The following RPL4 variants were observed in gnomAD, a reference collection of about 807,000 sequenced individuals.
RPL4 encodes the protein large ribosomal subunit protein uL4.
In RPL4, 3 loss-of-function variants were observed where a neutral mutation model predicts 47.7. That is an observed-to-expected ratio of 0.06 (90% CI 0.03 to 0.16). The LOEUF (loss-of-function observed/expected upper bound fraction) is 0.16, where lower values mean the gene tolerates loss of function less well. Among genes scored for constraint, RPL4 ranks in the 10% least tolerant of loss-of-function variants. The pLI is 1.00. For synonymous variants in RPL4, 208 were observed against 182.1 expected (o/e 1.14, Z -1.15); for missense variants, 413 against 551.3 (o/e 0.75, Z 2.51).
At position 66,499,119 on chromosome 15, in the gene RPL4, C is replaced by T. The variant is rs1893541010; in HGVS notation, c.*288G>A. 1 of 308,182 alleles carries T rather than the reference C, an allele frequency of 3.2e-6. No homozygotes were observed. Among genetic ancestry groups the T allele is most frequent in the Non-Finnish European group, 6.0e-6 (1 of 166,166 alleles). The allele number at this position is 308,182 out of a possible 1,614,324, so 19.1% of individuals were successfully genotyped here. A position where few individuals can be genotyped will look rare whatever the true frequency, so the allele number is the denominator to read the frequency against. On this transcript the variant is annotated 3_prime_UTR_variant, in exon 10 of 10. Coordinates refer to ENST00000307961, the MANE Select transcript of RPL4 (RefSeq NM_000968.4). Reference sequence around the variant, plus strand: ...CTGCGTTTCTGACCAAGTCCTGTTACACCTATTTTTCAAGCCACATTATTT... The same window carrying T: ...CTGCGTTTCTGACCAAGTCCTGTTATACCTATTTTTCAAGCCACATTATTT...
At chr15:66,499,915 T>C in intron 9 of RPL4, 141 bp downstream of exon 9, 2 of 1,120,120 alleles carry the variant, frequency 1.8e-6, no homozygotes, top group Middle Eastern at 3.0e-4. Context: ...GCCAGCTACT[T>C]GGGAGGCTGA....
chr15:66,502,928 T>C, intron 3 of RPL4, 130 bp downstream of exon 3: 1 of 1,279,880 alleles, frequency 7.8e-7, no homozygotes, highest in South Asian at 1.2e-5. Flanking sequence ...TAACCCCATA[T>C]AAATGAAGCC....
Position 66,501,401 on chromosome 15 carries a change from A to G in RPL4, c.650T>C (p.Ile217Thr). 1.9e-6 allele frequency: 3 copies of G among 1,614,192 alleles called. No homozygotes were observed. Among genetic ancestry groups the G allele is most frequent in the Non-Finnish European group, 2.5e-6 (3 of 1,180,042 alleles). The change falls in exon 6 of 10, where the codon ATC becomes ACC. Residue 217 changes from isoleucine to threonine, a missense_variant. Ile to Thr is a moderately conservative substitution (Grantham distance 89). Around this residue, in one of 4 missense-constraint regions of RPL4, gnomAD observed 214 missense variants for 304.2 expected, o/e 0.70. Coordinates refer to ENST00000307961, the MANE Select transcript of RPL4 (RefSeq NM_000968.4). ...AGGGATGTTTCTGAAGGCCTTGATG[A>G]TACCATTATCCTCATTATAGATGAT... Reference protein sequence around the residue: ...PCIIYNEDNGIIKAFRNIPGI... With the variant: ...PCIIYNEDNGTIKAFRNIPGI...
chr15:66,503,662 AAAATAGCAGTAAATG>A, intron 1 of RPL4, 133 bp from the exon 2 acceptor site: 1 of 807,866 alleles, frequency 1.2e-6, no homozygotes, highest in South Asian at 2.1e-5. Context: ...CCCTTAAACC[AAAATAGCAGTAAATG>A]ACTAGAACCC....
chr15:66,501,525 G>A, intron 5 of RPL4, 21 bp from the exon 6 acceptor site: 1 of 1,613,532 alleles, frequency 6.2e-7, no homozygotes, highest in East Asian at 2.2e-5. Flanking sequence ...AGCAGTTTTA[G>A]TATTCTGATT....
Position 66,501,046 on chromosome 15 carries a change from C to G in RPL4, c.736G>C (p.Val246Leu). 3 of 1,614,058 alleles carry G rather than the reference C, an allele frequency of 1.9e-6. No homozygotes were observed. The highest frequency in any genetic ancestry group is 2.5e-6 in the Non-Finnish European group (3 of 1,179,980). Reference protein sequence around the residue: ...NILKLAPGGHVGRFCIWTESA... With the variant: ...NILKLAPGGHLGRFCIWTESA... ...TCAGTCCAAATGCAGAAACGTCCCA[C>G]ATGCCCACCAGGAGCAAGCTTCAAA... Residue 246 changes from valine (V) to leucine (L), a missense_variant, in exon 7 of 10, where the codon GTG becomes CTG. Physicochemically the swap from Val to Leu is conservative, Grantham distance 32. This residue lies in a region of RPL4 where 214 missense variants were observed against 304.2 expected (regional missense o/e 0.70). Coordinates refer to ENST00000307961, the MANE Select transcript of RPL4 (RefSeq NM_000968.4).
chr15:66,501,960 G>GAA (rs375557925), intron 4 of RPL4, 48 bp from the exon 5 acceptor site: 469 of 1,196,694 alleles, frequency 3.9e-4, no homozygotes, highest in African/African-American at 3.9e-3. Flanking sequence ...AACTTTTGGA[G>GAA]AAAAAAAAAA....
At chr15:66,500,516 G>T (rs556755169) in intron 7 of RPL4, 140 bp from the exon 8 acceptor site, 105 of 754,068 alleles carry the variant, frequency 1.4e-4, no homozygotes, top group Non-Finnish European at 6.7e-5. Flanking sequence ...GGACCAGGCC[G>T]GGTGTGGTGG....
rs572149795 is a variant in RPL4, at chr15:66,499,097, C to T, written c.*310G>A. On this transcript the variant is annotated 3_prime_UTR_variant, in exon 10 of 10. Transcript: ENST00000307961. ...GGGAGCTAAACTTGAACAGCCTCTG[C>T]GTTTCTGACCAAGTCCTGTTACACC... The T allele has an allele frequency of 7.8e-5, 20 of 256,964 alleles. No homozygotes were observed. Among genetic ancestry groups the T allele is most frequent in the African/African-American group, 3.2e-4 (14 of 44,066 alleles). The allele number at this position is 256,964 out of a possible 1,614,324, so 15.9% of individuals were successfully genotyped here. A position where few individuals can be genotyped will look rare whatever the true frequency, so the allele number is the denominator to read the frequency against.
At chr15:66,500,594 GACCA>G in intron 7 of RPL4, 1 of 568,366 alleles carries the variant, frequency 1.8e-6, no homozygotes. Context: ...AGGAGTTCCA[GACCA>G]GCCTGGCCAA....
In RPL4 at chr15:66,500,444, GCTTT is replaced by G. The variant is rs1310429456; in HGVS notation, c.834-72_834-69del. 8.0e-6 allele frequency: 11 copies of G among 1,379,344 alleles called. 1 individual carries two copies. Among genetic ancestry groups the G allele is most frequent in the Non-Finnish European group, 1.0e-5 (10 of 972,180 alleles). 85.4% of individuals were successfully genotyped at this position (1,379,344 alleles called of 1,614,324 possible). ...CCAAAGAACAGGAAGCTCAACTGAA[GCTTT>G]ATTTTTAGCCACTATGCTCTCCAAA... On this transcript the variant is annotated intron_variant, in intron 7 of 9. Coordinates refer to ENST00000307961, the MANE Select transcript of RPL4 (RefSeq NM_000968.4).
Position 66,500,037 on chromosome 15 carries a change from A to T in RPL4, c.1038+19T>A. 2 of 1,611,318 alleles carry T rather than the reference A, an allele frequency of 1.2e-6. No homozygotes were observed. Among genetic ancestry groups the T allele is most frequent in the Non-Finnish European group, 1.7e-6 (2 of 1,179,636 alleles). ...GATTCCGACTCAAAAACAAACAAAC[A>T]AACAAAAACTCCACTCACATTCCTG... On this transcript the variant is annotated intron_variant, in intron 9 of 9. Transcript: ENST00000307961.
chr15:66,500,585 G>A (rs573224428), intron 7 of RPL4: 2 of 579,216 alleles, frequency 3.5e-6, no homozygotes. Flanking sequence ...CCTAAGGTCA[G>A]GAGTTCCAGA....
chr15:66,500,212 T>A (rs753217505), intron 8 of RPL4, 36 bp from the exon 9 acceptor site: 1 of 1,613,776 alleles, frequency 6.2e-7, no homozygotes, highest in Admixed American at 1.7e-5. Flanking sequence ...ACATTTTACT[T>A]AACATTATAC....
chr15:66,501,519 G>GT lies in RPL4; in HGVS notation c.547-16dup. ...GAGGCATAGACCTACAAAGTGAGCA[G>GT]TTTTAGTATTCTGATTAAGATAGAA... On this transcript the variant is annotated splice_polypyrimidine_tract_variant and intron_variant, in intron 5 of 9. Transcript: ENST00000307961. 1.2e-6 allele frequency: 2 copies of GT among 1,613,652 alleles called. No homozygotes were observed. Among genetic ancestry groups the GT allele is most frequent in the Non-Finnish European group, 8.5e-7 (1 of 1,179,924 alleles).
rs569462997 is a variant in RPL4, at chr15:66,498,477, A to G, written c.*930T>C. On this transcript the variant is annotated 3_prime_UTR_variant, in exon 10 of 10. Coordinates refer to ENST00000307961, the MANE Select transcript of RPL4 (RefSeq NM_000968.4). Reference sequence around the variant, plus strand: ...AGGACAAGAGGTTAATTCTAGGGTAATATTTGCAGTTTAGCTTTATGGGTA... The same window carrying G: ...AGGACAAGAGGTTAATTCTAGGGTAGTATTTGCAGTTTAGCTTTATGGGTA... The G allele has an allele frequency of 3.3e-5, 5 of 152,286 alleles. No individual in the cohort carries two copies. In the East Asian group the frequency reaches 5.8e-4, roughly 18 times the overall value. The allele number at this position is 152,286 out of a possible 1,614,324, so 9.4% of individuals were successfully genotyped here.
chr15:66,502,558 ATAG>A lies in RPL4; in HGVS notation c.421+51_421+53del, dbSNP rs1893642236. On this transcript the variant is annotated intron_variant, in intron 4 of 9. Coordinates refer to ENST00000307961, the MANE Select transcript of RPL4 (RefSeq NM_000968.4). ...GAATAAAAATCACCCTAATGATCAA[ATAG>A]TAGGTGTCTTATTTCTTCTATCAAA... The A allele has an allele frequency of 2.5e-6, 4 of 1,573,564 alleles. No individual in the cohort carries two copies. In the Admixed American group the frequency reaches 7.2e-5, roughly 28 times the overall value.
chr15:66,499,691 C>T (rs1371578973), intron 9 of RPL4, 39 bp from the exon 10 acceptor site: 2 of 1,608,924 alleles, frequency 1.2e-6, no homozygotes, highest in Admixed American at 1.7e-5. Context: ...GAATCAAATC[C>T]CTGTAAGAAC....
Position 66,503,511 on chromosome 15 carries a change from T to C in RPL4, c.22A>G (p.Ile8Val). 6.2e-7 allele frequency: 1 copy of C among 1,603,532 alleles called. No homozygotes were observed. The highest frequency in any genetic ancestry group is 8.5e-7 in the Non-Finnish European group (1 of 1,172,012). Residue 8 changes from isoleucine (I) to valine (V), a missense_variant, in exon 2 of 10, where the codon ATA becomes GTA. This residue lies in a region of RPL4 where 56 missense variants were observed against 70.6 expected (regional missense o/e 0.79). Coordinates refer to ENST00000307961, the MANE Select transcript of RPL4 (RefSeq NM_000968.4). The stretch of plus-strand genomic sequence containing the variant: ...TCCCCCTTTTCGGAGTACACCGATA[T>C]CAGTGGGCGAGCACACGCCTAAAGA... Reference protein sequence around the residue: MACARPLISVYSEKGESS... With the variant: MACARPLVSVYSEKGESS...
Sources: gnomAD v4.1 joint callset for allele counts on GRCh38, gnomAD v4.1.1 for gene constraint, gnomAD v4.1.1 regional missense constraint, MANE v1.5 for transcripts, NCBI Gene and HGNC (gene_info 2026-07-23, HGNC 2026-07-21) for gene names.